The following SLC30A8 variants were observed in gnomAD, a reference collection of about 807,000 sequenced individuals.
SLC30A8 encodes solute carrier family 30 member 8.
In SLC30A8, 27 loss-of-function variants were observed where a neutral mutation model predicts 36.9. The ratio of observed to expected loss-of-function variants is 0.73; its 90% CI spans 0.54 to 1.01. The LOEUF (loss-of-function observed/expected upper bound fraction) is 1.01, where lower values mean the gene tolerates loss of function less well. Ranked by LOEUF, SLC30A8 falls within the 50% of genes least tolerant of loss-of-function variation. The probability of loss-of-function intolerance (pLI) is 0.00; values close to 1 mark genes in which losing one functional copy is unlikely to be tolerated. For missense variants in SLC30A8, 439 were observed against 452.0 expected (o/e 0.97, Z 0.26); for synonymous variants, 164 against 172.4 (o/e 0.95, Z 0.38).
chr8:117,078,350 G>C (rs1278424536), intron 2 of SLC30A8, among the ~76,000 whole-genome samples: 2 of 152,142 alleles, frequency 1.3e-5, no homozygotes, highest in African/African-American at 2.4e-5. Context: ...CAGGCCACAT[G>C]TATCAACTCA....
At chr8:117,084,338 G>T (rs370309434) in intron 2 of SLC30A8, among the ~76,000 whole-genome samples, 3 of 152,252 alleles carry the variant, frequency 2.0e-5, no homozygotes, top group African/African-American at 7.2e-5. Context: ...TGTTCCCCAA[G>T]TTTTGTAGTA....
intron 2 of SLC30A8, chr8:117,147,739 G>A (rs894566553): frequency 1.3e-5 from 2 of 152,498 alleles, no homozygotes; most frequent in Admixed American, 6.5e-5. Context: ...TAAACAATTC[G>A]TCTCTACCAG....
chr8:117,141,464 A>G (rs1821650755), intron 1 of SLC30A8, among the ~76,000 whole-genome samples: 1 of 152,154 alleles, frequency 6.6e-6, no homozygotes, highest in Non-Finnish European at 1.5e-5. Context: ...AAAATTCAAC[A>G]CCCTTTAATT....
chr8:117,059,894 T>C (rs752532738), intron 2 of SLC30A8, among the ~76,000 whole-genome samples: 6 of 152,200 alleles, frequency 3.9e-5, no homozygotes, highest in South Asian at 4.1e-4. Flanking sequence ...TGGGGTCGTT[T>C]TCCCAGTAGG....
intron 1 of SLC30A8, among the ~76,000 whole-genome samples, chr8:117,140,475 A>T (rs1178083585): frequency 6.6e-6 from 1 of 152,080 alleles, no homozygotes; most frequent in Non-Finnish European, 1.5e-5. Flanking sequence ...AGCAAAACAC[A>T]AATAAAAAAC....
upstream of SLC30A8, among the ~76,000 whole-genome samples, chr8:117,131,650 A>G (rs553577396): frequency 6.6e-6 from 1 of 152,076 alleles, no homozygotes; most frequent in African/African-American, 2.4e-5. Flanking sequence ...TCCTTGATGG[A>G]TGCTTCATTC....
At chr8:117,070,426 G>C (rs573081383) in intron 2 of SLC30A8, among the ~76,000 whole-genome samples, 1 of 152,216 alleles carries the variant, frequency 6.6e-6, no homozygotes, top group South Asian at 2.1e-4. Flanking sequence ...TTCCTTACTT[G>C]GCTGGTCAGG....
At chr8:117,050,466 C>G (rs1817674704) in intron 2 of SLC30A8, among the ~76,000 whole-genome samples, 1 of 151,436 alleles carries the variant, frequency 6.6e-6, no homozygotes, top group Non-Finnish European at 1.5e-5. Context: ...AATGCAGTAG[C>G]ATGATCTCAG....
chr8:116,950,480 A>G (rs901235858), upstream of SLC30A8: 4 of 152,254 alleles, frequency 2.6e-5, no homozygotes, highest in East Asian at 1.9e-4. Context: ...TGATTCTGTC[A>G]GAGAAGCCAT....
intron 2 of SLC30A8, among the ~76,000 whole-genome samples, chr8:117,049,626 C>T (rs768301494): frequency 1.3e-5 from 2 of 152,216 alleles, no homozygotes; most frequent in African/African-American, 2.4e-5. Context: ...TTATCTACTG[C>T]CTGATATGTG....
intron 2 of SLC30A8, among the ~76,000 whole-genome samples, chr8:117,115,140 C>G (rs1208665654): frequency 1.3e-5 from 2 of 151,906 alleles, no homozygotes; most frequent in Admixed American, 1.3e-4. Flanking sequence ...GGGTCTCATT[C>G]TGTTGACCAG....
chr8:116,956,384 C>T (rs1814202882), intron 1 of SLC30A8, among the ~76,000 whole-genome samples: 1 of 152,124 alleles, frequency 6.6e-6, no homozygotes, highest in Non-Finnish European at 1.5e-5. Context: ...TAGGCCATGA[C>T]AAATTCCAGG....
chr8:117,089,557 C>G (rs1819022150), intron 2 of SLC30A8, among the ~76,000 whole-genome samples: 1 of 152,178 alleles, frequency 6.6e-6, no homozygotes, highest in African/African-American at 2.4e-5. Flanking sequence ...TCACTTCTCT[C>G]CATCCCCACT....
At chr8:117,069,170 A>G (rs1818255393) in intron 2 of SLC30A8, among the ~76,000 whole-genome samples, 4 of 152,248 alleles carry the variant, frequency 2.6e-5, no homozygotes, top group Non-Finnish European at 5.9e-5. Context: ...TAAACACAAA[A>G]TGATAAAGAA....
intron 1 of SLC30A8, among the ~76,000 whole-genome samples, chr8:116,961,021 G>A (rs1485248998): frequency 6.6e-6 from 1 of 152,138 alleles, no homozygotes; most frequent in Non-Finnish European, 1.5e-5. Context: ...AGGAAGGGAG[G>A]TGGGGAGGAA....
At chr8:117,008,749 T>A (rs1200134795) in intron 1 of SLC30A8, among the ~76,000 whole-genome samples, 1 of 152,338 alleles carries the variant, frequency 6.6e-6, no homozygotes, top group Admixed American at 6.5e-5. Context: ...CTGCTTCAGG[T>A]CATGCTTTGT....
At chr8:117,052,179 T>G (rs1434591599) in intron 2 of SLC30A8, among the ~76,000 whole-genome samples, 1 of 151,938 alleles carries the variant, frequency 6.6e-6, no homozygotes, top group African/African-American at 2.4e-5. Context: ...CCCAACTAAT[T>G]TTTCTATTAT....
intron 2 of SLC30A8, among the ~76,000 whole-genome samples, chr8:117,066,334 C>G (rs1213189143): frequency 6.6e-6 from 1 of 152,166 alleles, no homozygotes; most frequent in Non-Finnish European, 1.5e-5. Context: ...GCTGTCCTTT[C>G]TTCCTAGTAA....
chr8:117,020,167 T>C (rs151236832), intron 1 of SLC30A8, among the ~76,000 whole-genome samples: 2,214 of 152,286 alleles, frequency 0.015, 18 homozygotes, highest in Non-Finnish European at 0.021. Flanking sequence ...AAATAAATTC[T>C]TCTTCAACAC....
Sources: allele counts gnomAD v4.1 joint callset (sites outside exome capture counted in the v4.1 genomes callset), GRCh38; gene constraint gnomAD v4.1.1; transcripts MANE v1.5; gene names NCBI Gene and HGNC (gene_info 2026-07-23, HGNC 2026-07-21).